ABR: variants seen among roughly 807,000 people sequenced by gnomAD.
ABR encodes the protein active breakpoint cluster region-related protein.
In ABR, 35 loss-of-function variants were observed where a neutral mutation model predicts 107.2. The ratio of observed to expected loss-of-function variants is 0.33; its 90% CI spans 0.25 to 0.43. The LOEUF (loss-of-function observed/expected upper bound fraction) is 0.43, where lower values mean the gene tolerates loss of function less well. Among genes scored for constraint, ABR ranks in the 20% least tolerant of loss-of-function variants. ABR has a pLI of 1.00. For synonymous variants in ABR, 498 were observed against 462.0 expected (o/e 1.08, Z -1.00); for missense variants, 815 against 1,115.2 (o/e 0.73, Z 3.83).
chr17:1,120,850 G>A (rs1042657827), intron 2 of ABR, among the ~76,000 whole-genome samples: 10 of 152,162 alleles, frequency 6.6e-5, no homozygotes, highest in Non-Finnish European at 1.5e-4. Context: ...GTAGAGTGGG[G>A]ACAAAACCCA....
At chr17:1,097,855 G>A (rs963630626) in intron 3 of ABR, among the ~76,000 whole-genome samples, 5 of 152,096 alleles carry the variant, frequency 3.3e-5, no homozygotes, top group Non-Finnish European at 5.9e-5. Flanking sequence ...CGTGTTTCAC[G>A]AATGTCTGAC....
chr17:1,049,687 G>A (rs753169030), intron 16 of ABR, among the ~76,000 whole-genome samples: 12 of 152,134 alleles, frequency 7.9e-5, no homozygotes, highest in Admixed American at 6.5e-4. Flanking sequence ...TGGCAGACAC[G>A]GCTCCTCACA....
intron 16 of ABR, among the ~76,000 whole-genome samples, chr17:1,021,710 A>G (rs1440608704): frequency 6.6e-6 from 1 of 151,874 alleles, no homozygotes; most frequent in African/African-American, 2.4e-5. Flanking sequence ...AGGCTGAGGC[A>G]GGAGAATCGC....
chr17:1,185,337 C>G (rs924968554), intron 1 of ABR, among the ~76,000 whole-genome samples: 1 of 152,144 alleles, frequency 6.6e-6, no homozygotes, highest in Non-Finnish European at 1.5e-5. Context: ...CCTCAGTGTT[C>G]ACATCTGTAG....
intron 1 of ABR, among the ~76,000 whole-genome samples, chr17:1,204,873 C>G (rs982641182): frequency 6.7e-6 from 1 of 149,086 alleles, no homozygotes; most frequent in African/African-American, 2.5e-5. Flanking sequence ...TTTCTCAGAA[C>G]CTCTTTTTTT....
intron 2 of ABR, among the ~76,000 whole-genome samples, chr17:1,107,203 A>G (rs1418881250): frequency 6.6e-6 from 1 of 152,206 alleles, no homozygotes; most frequent in Non-Finnish European, 1.5e-5. Flanking sequence ...CAGGAGGAGC[A>G]GCGTTTTCAG....
At chr17:1,161,905 C>T (rs1001127691) in intron 1 of ABR, among the ~76,000 whole-genome samples, 2 of 152,136 alleles carry the variant, frequency 1.3e-5, no homozygotes, top group Non-Finnish European at 2.9e-5. Context: ...AGGTCCTCTC[C>T]CACCCGCTAC....
intron 2 of ABR, among the ~76,000 whole-genome samples, chr17:1,107,338 A>G (rs79350209): frequency 0.18 from 26,778 of 152,242 alleles, 2,419 homozygotes; most frequent in Middle Eastern, 0.22. Context: ...GGCCTCACAC[A>G]TTGTGCAGAC....
In ABR at chr17:1,194,849, C is replaced by T. The variant is rs1262590931; in HGVS notation, c.838+33944G>A. Among the ~76,000 whole-genome samples the T allele has an allele frequency of 2.4e-5, 3 of 124,138 alleles. 1 individual carries two copies. The highest frequency in any genetic ancestry group is 5.2e-5 in the Non-Finnish European group (3 of 58,048). The allele number at this position is 124,138 out of a possible 152,430, so 81.4% of individuals were successfully genotyped here. On this transcript the variant is annotated intron_variant, in intron 1 of 22. Transcript: ENST00000574139. ...TGTATTTTTAGTAGAGACAGGGTTT[C>T]GCCATGTTGGCCAGACTGGTCTCGA...
intron 2 of ABR, among the ~76,000 whole-genome samples, chr17:1,115,733 T>A (rs1212112298): frequency 6.6e-6 from 1 of 151,750 alleles, no homozygotes; most frequent in Non-Finnish European, 1.5e-5. Flanking sequence ...AAGACCAGCC[T>A]GGCCAACGTG....
At chr17:1,018,833 C>T (rs1390054444) in intron 16 of ABR, among the ~76,000 whole-genome samples, 1 of 152,202 alleles carries the variant, frequency 6.6e-6, no homozygotes, top group African/African-American at 2.4e-5. Flanking sequence ...CGTTCATGAT[C>T]ATGATAGCAG....
chr17:1,063,705 G>A (rs2034328712), intron 10 of ABR, among the ~76,000 whole-genome samples: 1 of 150,512 alleles, frequency 6.6e-6, no homozygotes, highest in African/African-American at 2.4e-5. Context: ...TGAACTGAGG[G>A]CTATGCATGT....
At position 1,022,120 on chromosome 17, in the gene ABR, A is replaced by AAAAAAAAAAAAAAAAAAC. The variant is rs56033950; in HGVS notation, c.1792-8957_1792-8956insGTTTTTTTTTTTTTTTTT. On this transcript the variant is annotated intron_variant, in intron 16 of 22. Coordinates refer to ENST00000302538, the MANE Select transcript of ABR (RefSeq NM_021962.5). ...AGACTCTGTCTCAAAAAAAAAAAAA[A>AAAAAAAAAAAAAAAAAAC]AAAAACAGAAAATGACTCCAGAAGG... 8.6e-4 allele frequency among the ~76,000 whole-genome samples: 102 copies of AAAAAAAAAAAAAAAAAAC among 118,370 alleles called. 6 individuals carry two copies. Among genetic ancestry groups the AAAAAAAAAAAAAAAAAAC allele is most frequent in the African/African-American group, 2.9e-3 (80 of 27,360 alleles). The allele number at this position is 118,370 out of a possible 152,430, so 77.7% of individuals were successfully genotyped here.
At chr17:1,156,164 G>T (rs1199918030) in intron 1 of ABR, 1 of 152,206 alleles carries the variant, frequency 6.6e-6, no homozygotes, top group Non-Finnish European at 1.5e-5. Context: ...ACACCAGAGG[G>T]CAGACGGGTA....
chr17:1,090,356 C>T (rs1340876010), intron 4 of ABR, among the ~76,000 whole-genome samples: 5 of 151,286 alleles, frequency 3.3e-5, no homozygotes, highest in Non-Finnish European at 7.4e-5. Flanking sequence ...CTGAAGGGGC[C>T]GTCGAGGTTT....
At chr17:1,133,804 C>T (rs2039943706) in intron 1 of ABR, among the ~76,000 whole-genome samples, 1 of 152,194 alleles carries the variant, frequency 6.6e-6, no homozygotes, top group Admixed American at 6.6e-5. Context: ...CCCGCTTTCT[C>T]TGCCTCTCTC....
At chr17:1,187,428 C>G (rs748669971), upstream of ABR, 2 of 152,310 alleles carry the variant, frequency 1.3e-5, no homozygotes, top group Non-Finnish European at 1.5e-5. Context: ...CCAAGCGGCC[C>G]GCAAGTGCCT....
chr17:1,062,786 C>T (rs75766328), intron 10 of ABR, among the ~76,000 whole-genome samples: 13 of 143,794 alleles, frequency 9.0e-5, no homozygotes, highest in South Asian at 4.6e-4. Context: ...TTCCTCTAGA[C>T]GCTGTTGTTA....
chr17:1,161,880 C>A (rs1252475965), intron 1 of ABR, among the ~76,000 whole-genome samples: 2 of 152,070 alleles, frequency 1.3e-5, no homozygotes, highest in Admixed American at 1.3e-4. Context: ...TACAGCCGGG[C>A]CGAAGGCACC....
Sources: allele counts gnomAD v4.1 joint callset (sites outside exome capture counted in the v4.1 genomes callset), GRCh38; gene constraint gnomAD v4.1.1; transcripts MANE v1.5; gene names NCBI Gene and HGNC (gene_info 2026-07-23, HGNC 2026-07-21).